JAK1: variants seen among roughly 807,000 people sequenced by gnomAD.
JAK1 encodes the protein Janus kinase 1.
JAK1 carries 16 observed loss-of-function variants against 136.6 expected under a neutral mutation model. That is an observed-to-expected ratio of 0.12 (90% CI 0.08 to 0.18). JAK1 has a LOEUF of 0.18. Among genes scored for constraint, JAK1 ranks in the 10% least tolerant of loss-of-function variants. The pLI is 1.00. For missense variants in JAK1, 859 were observed against 1,450.1 expected (o/e 0.59, Z 6.62); for synonymous variants, 492 against 519.5 (o/e 0.95, Z 0.72).
intron 2 of JAK1, among the ~76,000 whole-genome samples, chr1:65,023,962 CT>C (rs943855016): frequency 7.7e-6 from 1 of 129,590 alleles, no homozygotes; most frequent in African/African-American, 3.0e-5. Context: ...CCTTTTATTG[CT>C]GAGTAGTATT....
chr1:64,907,164 G>A (rs984101938), intron 1 of JAK1, among the ~76,000 whole-genome samples: 21 of 152,152 alleles, frequency 1.4e-4, no homozygotes, highest in African/African-American at 5.1e-4. Flanking sequence ...TTCCAGTTCT[G>A]AAATGAAAAT....
At chr1:64,947,415 G>T (rs768868106) in intron 1 of JAK1, among the ~76,000 whole-genome samples, 2 of 152,266 alleles carry the variant, frequency 1.3e-5, no homozygotes, top group African/African-American at 4.8e-5. Flanking sequence ...CTTTCAGGGA[G>T]ATTTGATAAA....
Position 65,043,400 on chromosome 1 carries a change from A to T in JAK1, c.-78+1080T>A, listed in dbSNP as rs547810495. 1.6e-4 allele frequency among the ~76,000 whole-genome samples: 25 copies of T among 152,314 alleles called. No homozygotes were observed. The South Asian group carries it at 5.2e-3, about 32-fold the overall frequency. On this transcript the variant is annotated intron_variant, in intron 2 of 25. Coordinates refer to the JAK1 transcript ENST00000671954. ...AAACTCAATAGAAAAACTTTTTTAA[A>T]TGTATAGACTTCAGATAATAAAAAC...
intron 1 of JAK1, among the ~76,000 whole-genome samples, chr1:64,952,020 C>T (rs1416424492): frequency 1.3e-5 from 2 of 152,124 alleles, no homozygotes; most frequent in Non-Finnish European, 2.9e-5. Context: ...CACATTTCCC[C>T]CAGACACACT....
At chr1:65,038,152 A>G (rs879331721) in intron 2 of JAK1, among the ~76,000 whole-genome samples, 3 of 151,030 alleles carry the variant, frequency 2.0e-5, no homozygotes, top group Admixed American at 6.6e-5. Flanking sequence ...AGCTTGGTTT[A>G]ATGCTCTTAT....
chr1:64,973,257 G>T (rs1371615203), intron 2 of JAK1: 2 of 143,616 alleles, frequency 1.4e-5, no homozygotes, highest in Admixed American at 7.4e-5. Context: ...AAGAAAGAGA[G>T]AAAGAAAGAC....
intron 7 of JAK1, among the ~76,000 whole-genome samples, chr1:64,865,965 G>T (rs1453504497): frequency 1.3e-5 from 2 of 152,068 alleles, no homozygotes; most frequent in Non-Finnish European, 2.9e-5. Flanking sequence ...TCACCATGTT[G>T]CCCAGGCTAG....
intron 2 of JAK1, among the ~76,000 whole-genome samples, chr1:64,979,404 A>G (rs2100691428): frequency 6.6e-6 from 1 of 152,318 alleles, no homozygotes; most frequent in Middle Eastern, 3.4e-3. Context: ...ACTTCTAAAA[A>G]AAAGAAATAA....
At chr1:65,036,451 G>A (rs953781797) in intron 2 of JAK1, among the ~76,000 whole-genome samples, 3 of 152,052 alleles carry the variant, frequency 2.0e-5, no homozygotes, top group Admixed American at 2.0e-4. Context: ...AAAGTTATAA[G>A]GGAGCAGGGA....
At chr1:64,913,600 A>T (rs60803934) in intron 1 of JAK1, among the ~76,000 whole-genome samples, 15,155 of 142,486 alleles carry the variant, frequency 0.11, 1,347 homozygotes, top group African/African-American at 0.23. Context: ...AGAATAATAC[A>T]TATGGCAAGA....
At chr1:64,931,740 A>G (rs1645696626) in intron 1 of JAK1, among the ~76,000 whole-genome samples, 1 of 152,184 alleles carries the variant, frequency 6.6e-6, no homozygotes, top group Non-Finnish European at 1.5e-5. Context: ...ACAAAATTAC[A>G]AACTATCGGG....
chr1:65,018,552 ATGT>A (rs1312189234), intron 2 of JAK1, among the ~76,000 whole-genome samples: 26 of 152,196 alleles, frequency 1.7e-4, no homozygotes, highest in Admixed American at 3.9e-4. Context: ...ATTACTCCAG[ATGT>A]TGTACACACT....
chr1:64,951,741 C>G (rs1167773520), intron 1 of JAK1, among the ~76,000 whole-genome samples: 2 of 148,972 alleles, frequency 1.3e-5, no homozygotes, highest in Non-Finnish European at 3.0e-5. Flanking sequence ...TCACTGCAAG[C>G]TCCACCTCCC....
At chr1:64,992,884 G>A (rs946881284) in intron 2 of JAK1, 4 of 133,090 alleles carry the variant, frequency 3.0e-5, no homozygotes, top group South Asian at 2.4e-4. Context: ...GCGAGATTCC[G>A]AGATTCTGTC....
rs772171558 is a variant in JAK1 at position 64,850,861 on chromosome 1, G to A, written c.1698C>T (p.Pro566=). ...VATKKAQEWQ[P]VYPMSQLSFD... ...AACTCAGCTGGCTCATGGGGTAGAC[G>A]GGCTGCCACTCCTGGGCTTTCTTAG... The change falls in exon 12 of 25, where the codon CCC becomes CCT. Residue 566 remains proline, a synonymous_variant. Coordinates refer to ENST00000342505, the MANE Select transcript of JAK1 (RefSeq NM_002227.4). 1.6e-5 allele frequency: 26 copies of A among 1,613,956 alleles called. No homozygotes were observed. Among genetic ancestry groups the A allele is most frequent in the South Asian group, 3.3e-5 (3 of 91,074 alleles).
intron 1 of JAK1, chr1:65,058,396 G>T (rs1348032690): frequency 3.7e-6 from 2 of 533,890 alleles, no homozygotes; most frequent in South Asian, 1.4e-5. Context: ...CTTTCTTCCT[G>T]GGTACGGTGA....
intron 1 of JAK1, among the ~76,000 whole-genome samples, chr1:64,937,717 C>T (rs959534055): frequency 5.3e-5 from 8 of 152,106 alleles, no homozygotes; most frequent in Non-Finnish European, 8.8e-5. Flanking sequence ...TTCAGTTTTT[C>T]AGACATATCC....
intron 2 of JAK1, among the ~76,000 whole-genome samples, chr1:65,027,395 T>A (rs568577629): frequency 2.1e-4 from 32 of 152,270 alleles, no homozygotes; most frequent in Admixed American, 1.9e-3. Flanking sequence ...CACTGCCGAC[T>A]GCCCTCCTCC....
Position 64,900,181 on chromosome 1 carries a change from T to C in JAK1, c.-77-13840A>G, listed in dbSNP as rs115785282. On this transcript the variant is annotated intron_variant, in intron 1 of 24. Transcript: ENST00000342505. ...CCTGCTGCAATGGCTCAAGATTGAC[T>C]AGCAATTCAAAGCAATTAAGAGATG... Among the ~76,000 whole-genome samples, 576 of 152,316 alleles carry C rather than the reference T, an allele frequency of 3.8e-3. 1 individual carries two copies. Among genetic ancestry groups the C allele is most frequent in the Non-Finnish European group, 7.2e-3 (491 of 68,026 alleles).
Sources: allele counts gnomAD v4.1 joint callset (sites outside exome capture counted in the v4.1 genomes callset), GRCh38; gene constraint gnomAD v4.1.1; transcripts MANE v1.5; gene names NCBI Gene and HGNC (gene_info 2026-07-23, HGNC 2026-07-21).